The following KCNA2 variants were observed in gnomAD, a reference collection of about 807,000 sequenced individuals.
KCNA2 encodes the protein potassium channel, voltage gated shaker related subfamily A, member 2.
A neutral mutation model predicts 33.4 loss-of-function variants in KCNA2; 11 were observed. The observed-to-expected ratio is 0.33, with a 90% CI of 0.21 to 0.55. The LOEUF (loss-of-function observed/expected upper bound fraction) is 0.55, where lower values mean the gene tolerates loss of function less well. Ranked by LOEUF, KCNA2 falls within the 20% of genes least tolerant of loss-of-function variation. The pLI, the probability that KCNA2 is intolerant of heterozygous loss-of-function variation, is 0.93. For synonymous variants in KCNA2, 222 were observed against 231.3 expected, an observed-to-expected ratio of 0.96 and a Z score of 0.37; for missense variants, 291 against 621.6, an observed-to-expected ratio of 0.47 and a Z score of 5.66.
chr1:110,604,870 C>T lies in KCNA2; in HGVS notation c.-88G>A. 7.8e-7 allele frequency: 1 copy of T among 1,281,560 alleles called. No individual in the cohort carries two copies. Among genetic ancestry groups the T allele is most frequent in the South Asian group, 1.4e-5 (1 of 70,906 alleles). 79.4% of individuals were successfully genotyped at this position (1,281,560 alleles called of 1,614,324 possible). A position where few individuals can be genotyped will look rare whatever the true frequency, so the allele number is the denominator to read the frequency against. On this transcript the variant is annotated 5_prime_UTR_variant, in exon 3 of 3. Coordinates refer to ENST00000316361, the MANE Select transcript of KCNA2 (RefSeq NM_004974.4). This position sits in a 1 kb window ranked among gnomAD's most constrained non-coding sequence, Gnocchi z 7.6. Reference sequence around the variant, plus strand: ...GGGTGCTGCTACTGGCCCCAGGAAGCACAGGAGCATTGGCCTGGTCTCCTG... The same window carrying T: ...GGGTGCTGCTACTGGCCCCAGGAAGTACAGGAGCATTGGCCTGGTCTCCTG...
chr1:110,594,738 A>T lies in KCNA2; in HGVS notation c.*8545T>A, dbSNP rs1292386357. On this transcript the variant is annotated 3_prime_UTR_variant, in exon 3 of 3. Coordinates refer to ENST00000316361, the MANE Select transcript of KCNA2 (RefSeq NM_004974.4). The stretch of plus-strand genomic sequence containing the variant: ...TGGGGCAAGCACAGAGCATGTTCAA[A>T]CCCTCAGGAGCTGAGACTCACCCCC... The T allele has an allele frequency of 5.1e-6, 5 of 985,218 alleles. No individual in the cohort carries two copies. In the East Asian group the frequency reaches 5.7e-4, roughly 112 times the overall value. The allele number at this position is 985,218 out of a possible 1,614,324, so 61.0% of individuals were successfully genotyped here. A position where few individuals can be genotyped will look rare whatever the true frequency, so the allele number is the denominator to read the frequency against.
chr1:110,629,381 A>G (rs1650487343), intron 1 of KCNA2, among the ~76,000 whole-genome samples: 1 of 152,244 alleles, frequency 6.6e-6, no homozygotes, highest in Admixed American at 6.5e-5. Flanking sequence ...GTCTCAATAT[A>G]TCAGAAAATT....
Position 110,597,154 on chromosome 1 carries a change from G to C in KCNA2, c.*6129C>G. The C allele has an allele frequency of 1.0e-6, 1 of 985,422 alleles. No homozygotes were observed. Among genetic ancestry groups the C allele is most frequent in the Non-Finnish European group, 1.2e-6 (1 of 829,948 alleles). 61.0% of individuals were successfully genotyped at this position (985,422 alleles called of 1,614,324 possible). On this transcript the variant is annotated 3_prime_UTR_variant, in exon 3 of 3. Coordinates refer to ENST00000316361, the MANE Select transcript of KCNA2 (RefSeq NM_004974.4). ...GTCAGCTTATTTTGAAAGAGAGTCA[G>C]AGGGCAATTCCCAAATCTGCCCAGG...
rs893571450 is a variant in KCNA2 at position 110,595,798 on chromosome 1, C to A, written c.*7485G>T. ...GTTCCATTGATTGCCACAAACCTCA[C>A]CTTCTGTGTGGCAGAGATGTGCTTT... is the stretch of plus-strand genomic sequence containing the variant. On this transcript the variant is annotated 3_prime_UTR_variant, in exon 3 of 3. Transcript: ENST00000316361. The A allele has an allele frequency of 1.0e-6, 1 of 985,418 alleles. No individual in the cohort carries two copies. The highest frequency in any genetic ancestry group is 1.2e-6 in the Non-Finnish European group (1 of 829,920). 61.0% of individuals were successfully genotyped at this position (985,418 alleles called of 1,614,324 possible).
In KCNA2 at chr1:110,594,335, A is replaced by G. The variant is rs891331399; in HGVS notation, c.*8948T>C. On this transcript the variant is annotated 3_prime_UTR_variant, in exon 3 of 3. Coordinates refer to ENST00000316361, the MANE Select transcript of KCNA2 (RefSeq NM_004974.4). ...TATATATATATATGTGTGTGTATATATATATACACACACATCACACACAAT... is the reference window on the plus strand; with the variant it reads ...TATATATATATATGTGTGTGTATATGTATATACACACACATCACACACAAT... 1 of 953,122 alleles carries G rather than the reference A, an allele frequency of 1.0e-6. No homozygotes were observed. 59.0% of individuals were successfully genotyped at this position (953,122 alleles called of 1,614,324 possible). A position where few individuals can be genotyped will look rare whatever the true frequency, so the allele number is the denominator to read the frequency against.
chr1:110,628,839 G>T (rs1650470449), intron 1 of KCNA2, among the ~76,000 whole-genome samples: 2 of 152,186 alleles, frequency 1.3e-5, no homozygotes, highest in Non-Finnish European at 2.9e-5. Context: ...AGCAGAGATG[G>T]ACTGACTTGT....
chr1:110,630,655 G>A (rs1438842618), intron 1 of KCNA2, among the ~76,000 whole-genome samples: 1 of 152,170 alleles, frequency 6.6e-6, no homozygotes, highest in East Asian at 1.9e-4. Flanking sequence ...TTCAGTAATT[G>A]TTAAGTCATT....
rs150068638 is a variant in KCNA2, at chr1:110,600,420, T to C, written c.*2863A>G. On this transcript the variant is annotated 3_prime_UTR_variant, in exon 3 of 3. Coordinates refer to ENST00000316361, the MANE Select transcript of KCNA2 (RefSeq NM_004974.4). ...AGGTTGTATATTTGTATGTGGTGTA[T>C]GTTTGTCTTTTGTGTATGTTCTGTG... 365 of 985,092 alleles carry C rather than the reference T, an allele frequency of 3.7e-4. 4 individuals are homozygous for C. In the African/African-American group the frequency reaches 5.8e-3, roughly 16 times the overall value. 61.0% of individuals were successfully genotyped at this position (985,092 alleles called of 1,614,324 possible).
rs1649058080 is a variant in KCNA2, at chr1:110,595,520, A to G, written c.*7763T>C. The G allele has an allele frequency of 1.9e-5, 19 of 985,396 alleles. No homozygotes were observed. Among genetic ancestry groups the G allele is most frequent in the Non-Finnish European group, 2.2e-5 (18 of 829,930 alleles). 61.0% of individuals were successfully genotyped at this position (985,396 alleles called of 1,614,324 possible). A position where few individuals can be genotyped will look rare whatever the true frequency, so the allele number is the denominator to read the frequency against. Reference sequence around the variant, plus strand: ...TTCAATTGCTCCAGATACAGTGAAAAATCCCTCCCACTCCCATCTAGGTAG... The same window carrying G: ...TTCAATTGCTCCAGATACAGTGAAAGATCCCTCCCACTCCCATCTAGGTAG... On this transcript the variant is annotated 3_prime_UTR_variant, in exon 3 of 3. Coordinates refer to ENST00000316361, the MANE Select transcript of KCNA2 (RefSeq NM_004974.4).
intron 1 of KCNA2, among the ~76,000 whole-genome samples, chr1:110,631,044 A>C (rs1650544776): frequency 6.6e-6 from 1 of 152,078 alleles, no homozygotes; most frequent in African/African-American, 2.4e-5. Context: ...GTTACACTTA[A>C]TGCTTTGGGA....
At chr1:110,612,968 T>G (rs1396999743) in intron 1 of KCNA2, among the ~76,000 whole-genome samples, 3 of 152,256 alleles carry the variant, frequency 2.0e-5, no homozygotes, top group Non-Finnish European at 4.4e-5. Flanking sequence ...TTTTCCTCTC[T>G]GAGTCTCAGG....
chr1:110,595,997 C>T lies in KCNA2; in HGVS notation c.*7286G>A. 1.0e-6 allele frequency: 1 copy of T among 985,414 alleles called. No homozygotes were observed. Among genetic ancestry groups the T allele is most frequent in the Non-Finnish European group, 1.2e-6 (1 of 829,938 alleles). The allele number at this position is 985,414 out of a possible 1,614,324, so 61.0% of individuals were successfully genotyped here. A position where few individuals can be genotyped will look rare whatever the true frequency, so the allele number is the denominator to read the frequency against. On this transcript the variant is annotated 3_prime_UTR_variant, in exon 3 of 3. Transcript: ENST00000316361. ...TGATCCTCAGTGATGAGGTTATAGC[C>T]AACCAGGGCAGACAGAAGAAAGGCT...
At chr1:110,612,510 T>A (rs189381001) in intron 1 of KCNA2, among the ~76,000 whole-genome samples, 1 of 152,274 alleles carries the variant, frequency 6.6e-6, no homozygotes, top group East Asian at 1.9e-4. Flanking sequence ...TCACTTGGCC[T>A]TGGTGTCTGT....
At chr1:110,611,138 G>A (rs371936629), upstream of KCNA2, among the ~76,000 whole-genome samples, 99 of 152,306 alleles carry the variant, frequency 6.5e-4, no homozygotes, top group African/African-American at 2.3e-3. Context: ...AATACCCATG[G>A]AGGTGCATGG....
chr1:110,601,992 A>T lies in KCNA2; in HGVS notation c.*1291T>A. On this transcript the variant is annotated 3_prime_UTR_variant, in exon 3 of 3. Coordinates refer to ENST00000316361, the MANE Select transcript of KCNA2 (RefSeq NM_004974.4). Reference sequence around the variant, plus strand: ...AGGTAGAGGAACGCGTGAAAGAGAGATACTCGATATATATTTATATACACT... The same window carrying T: ...AGGTAGAGGAACGCGTGAAAGAGAGTTACTCGATATATATTTATATACACT... The T allele has an allele frequency of 2.0e-6, 3 of 1,536,890 alleles. No homozygotes were observed. The highest frequency in any genetic ancestry group is 2.6e-6 in the Non-Finnish European group (3 of 1,137,736).
At chr1:110,630,876 C>CTATCCA (rs1650536461) in intron 1 of KCNA2, among the ~76,000 whole-genome samples, 1 of 151,554 alleles carries the variant, frequency 6.6e-6, no homozygotes, top group Admixed American at 6.6e-5. Context: ...TCATCTGTCC[C>CTATCCA]CCTGGCCACA....
chr1:110,628,687 T>A (rs1449554194), intron 1 of KCNA2, among the ~76,000 whole-genome samples: 1 of 152,128 alleles, frequency 6.6e-6, no homozygotes, highest in Non-Finnish European at 1.5e-5. Flanking sequence ...CAAGAGGTGA[T>A]GACTTGAAAG....
Position 110,602,429 on chromosome 1 carries a change from A to G in KCNA2, c.*854T>C, listed in dbSNP as rs2101390108. 7.6e-7 allele frequency: 1 copy of G among 1,320,968 alleles called. No individual in the cohort carries two copies. The highest frequency in any genetic ancestry group is 9.7e-7 in the Non-Finnish European group (1 of 1,035,758). The allele number at this position is 1,320,968 out of a possible 1,614,324, so 81.8% of individuals were successfully genotyped here. On this transcript the variant is annotated 3_prime_UTR_variant, in exon 3 of 3. Coordinates refer to ENST00000316361, the MANE Select transcript of KCNA2 (RefSeq NM_004974.4). ...CATGCAGCTCTATTGCATCACTGGT[A>G]AATTTCACTGCAGTGTCAGTGTAGC...
rs534411299 is a variant in KCNA2, at chr1:110,627,376, CCTTAT to C, written c.-496+4014_-496+4018del. Among the ~76,000 whole-genome samples, 223 of 152,290 alleles carry C rather than the reference CCTTAT, an allele frequency of 1.5e-3. 2 individuals are homozygous for C. Among genetic ancestry groups the C allele is most frequent in the South Asian group, 1.2e-3 (6 of 4,822 alleles). On this transcript the variant is annotated intron_variant, in intron 1 of 4. Transcript: ENST00000369770. ...TTCAATTATTGGCTAGTCACAAAGT[CCTTAT>C]AGTACCAGATTTTATCCACTGCCCA...
Sources: gnomAD v4.1 joint callset for allele counts (sites outside exome capture counted in the v4.1 genomes callset) on GRCh38, gnomAD v4.1.1 for gene constraint, Gnocchi (gnomAD v3.1) non-coding constraint, MANE v1.5 for transcripts, NCBI Gene and HGNC (gene_info 2026-07-23, HGNC 2026-07-21) for gene names.